The following ADAMTSL1 variants were observed in gnomAD, a reference collection of about 807,000 sequenced individuals.
The protein encoded by ADAMTSL1 is ADAMTS like 1, also known as ADAMTS-like protein 1.
A neutral mutation model predicts 201.8 loss-of-function variants in ADAMTSL1; 126 were observed. The observed-to-expected ratio is 0.62, with a 90% CI of 0.54 to 0.72. ADAMTSL1 has a LOEUF of 0.72. ADAMTSL1 is among the 30% of genes least tolerant of loss of function. The probability of loss-of-function intolerance (pLI) is 0.00; values close to 1 mark genes in which losing one functional copy is unlikely to be tolerated. For missense variants in ADAMTSL1, 2,679 were observed against 2,277.8 expected, an observed-to-expected ratio of 1.18 and a Z score of -3.59; for synonymous variants, 1,121 against 903.4, an observed-to-expected ratio of 1.24 and a Z score of -4.32.
chr9:18,855,228 C>T (rs149180351), intron 23 of ADAMTSL1, among the ~76,000 whole-genome samples: 3 of 152,166 alleles, frequency 2.0e-5, no homozygotes, highest in East Asian at 3.9e-4. Context: ...CATCTTGGCA[C>T]GAATAAAATC....
At chr9:18,595,744 C>T (rs905690607) in intron 4 of ADAMTSL1, among the ~76,000 whole-genome samples, 1 of 152,236 alleles carries the variant, frequency 6.6e-6, no homozygotes, top group African/African-American at 2.4e-5. Context: ...GTACACAGTT[C>T]TTTCTGGACC....
At chr9:18,010,263 A>G (rs1819997095) in intron 1 of ADAMTSL1, among the ~76,000 whole-genome samples, 2 of 152,144 alleles carry the variant, frequency 1.3e-5, no homozygotes, top group Middle Eastern at 3.4e-3. Context: ...TAGTAGAAAA[A>G]TTGCCAGAAA....
intron 1 of ADAMTSL1, among the ~76,000 whole-genome samples, chr9:17,981,766 C>A (rs896671478): frequency 6.6e-6 from 1 of 152,170 alleles, no homozygotes; most frequent in African/African-American, 2.4e-5. Flanking sequence ...TCTGTTTGTA[C>A]TTTTCTTGCT....
intron 1 of ADAMTSL1, among the ~76,000 whole-genome samples, chr9:18,071,986 C>T (rs1314804836): frequency 2.0e-5 from 3 of 152,154 alleles, no homozygotes; most frequent in Non-Finnish European, 1.5e-5. Context: ...TTAATGGTTC[C>T]AAGCTCTTGA....
rs117622125 is a variant in ADAMTSL1, at chr9:18,329,479, C to T, written c.207+165498C>T. ...GTGTGACCCAAGGAGTCCTCCAAAACGTGTCCACTACAAGAATGTTAAATT... is the reference window on the plus strand; with the variant it reads ...GTGTGACCCAAGGAGTCCTCCAAAATGTGTCCACTACAAGAATGTTAAATT... On this transcript the variant is annotated intron_variant, in intron 2 of 29. Transcript: ENST00000680146. Among the ~76,000 whole-genome samples the T allele has an allele frequency of 2.1e-4, 32 of 152,238 alleles. No individual in the cohort carries two copies. The East Asian group carries it at 5.0e-3, about 24-fold the overall frequency.
intron 4 of ADAMTSL1, among the ~76,000 whole-genome samples, chr9:18,610,371 T>C (rs143311658): frequency 2.7e-3 from 416 of 152,298 alleles, no homozygotes; most frequent in African/African-American, 9.7e-3. Flanking sequence ...TTCGCTGCCT[T>C]GTCCATGCAT....
intron 1 of ADAMTSL1, among the ~76,000 whole-genome samples, chr9:18,140,065 C>T (rs979872263): frequency 6.6e-6 from 1 of 152,128 alleles, no homozygotes; most frequent in Non-Finnish European, 1.5e-5. Context: ...TATGTACCAA[C>T]TATTTGCTAG....
rs972624066 is a variant in ADAMTSL1, at chr9:18,315,409, G to A, written c.207+151428G>A. Among the ~76,000 whole-genome samples the A allele has an allele frequency of 3.9e-5, 6 of 152,156 alleles. No homozygotes were observed. In the South Asian group the frequency reaches 8.4e-4, roughly 21 times the overall value. The stretch of plus-strand genomic sequence containing the variant: ...TCAGTGGCGCCCGTCAGGGAGGCTC[G>A]GGCCGTGTGGGAGCCCAAGGGGGAG... On this transcript the variant is annotated intron_variant, in intron 2 of 29. Transcript: ENST00000680146.
intron 1 of ADAMTSL1, among the ~76,000 whole-genome samples, chr9:17,937,935 A>G (rs1827082633): frequency 6.6e-6 from 1 of 152,290 alleles, no homozygotes; most frequent in East Asian, 1.9e-4. Flanking sequence ...TAACAGAAGT[A>G]TGAGGAGGGG....
At chr9:18,611,632 T>C (rs1359887903) in intron 4 of ADAMTSL1, among the ~76,000 whole-genome samples, 1 of 152,180 alleles carries the variant, frequency 6.6e-6, no homozygotes, top group Non-Finnish European at 1.5e-5. Flanking sequence ...AAATCAGACT[T>C]ACTTATTCTC....
chr9:18,584,483 T>C (rs942012293), intron 4 of ADAMTSL1, among the ~76,000 whole-genome samples: 2 of 152,186 alleles, frequency 1.3e-5, no homozygotes, highest in African/African-American at 4.8e-5. Context: ...TCGCTGAAAG[T>C]TCTACTTTCC....
chr9:18,174,493 C>A (rs1026643643), intron 2 of ADAMTSL1, among the ~76,000 whole-genome samples: 2 of 152,242 alleles, frequency 1.3e-5, no homozygotes, highest in Middle Eastern at 3.4e-3. Context: ...ATATGTGATA[C>A]CTAAATTTAA....
chr9:18,715,998 A>C (rs1460008654), intron 14 of ADAMTSL1, among the ~76,000 whole-genome samples: 1 of 151,130 alleles, frequency 6.6e-6, no homozygotes, highest in Non-Finnish European at 1.5e-5. Flanking sequence ...AGGATTCCCT[A>C]TTTAATAAAT....
chr9:18,024,401 CCCTTACTCA>C (rs1820606742), intron 1 of ADAMTSL1, among the ~76,000 whole-genome samples: 1 of 151,980 alleles, frequency 6.6e-6, no homozygotes, highest in Non-Finnish European at 1.5e-5. Context: ...AGCTTCTCAT[CCCTTACTCA>C]CCTCCCTCCC....
intron 2 of ADAMTSL1, among the ~76,000 whole-genome samples, chr9:18,236,340 CT>C (rs1830848193): frequency 6.6e-6 from 1 of 152,208 alleles, no homozygotes; most frequent in Admixed American, 6.5e-5. Flanking sequence ...TCCCAAAGTG[CT>C]GGGATTACAG....
At chr9:18,875,182 CA>C (rs1384442493) in intron 23 of ADAMTSL1, among the ~76,000 whole-genome samples, 2 of 152,042 alleles carry the variant, frequency 1.3e-5, no homozygotes, top group Non-Finnish European at 2.9e-5. Flanking sequence ...AATGGTCTAT[CA>C]GTTTTGTTTC....
chr9:18,664,694 C>T (rs2133047851), intron 9 of ADAMTSL1, among the ~76,000 whole-genome samples: 1 of 152,100 alleles, frequency 6.6e-6, no homozygotes, highest in East Asian at 1.9e-4. Context: ...AGACAGCCAA[C>T]TTTATTCCCT....
intron 2 of ADAMTSL1, among the ~76,000 whole-genome samples, chr9:18,239,298 A>C (rs976933977): frequency 6.6e-6 from 1 of 152,174 alleles, no homozygotes; most frequent in East Asian, 1.9e-4. Flanking sequence ...ATTTTACCCA[A>C]AACAGAACTT....
chr9:18,900,719 A>C (rs1447123345), intron 26 of ADAMTSL1, among the ~76,000 whole-genome samples: 2 of 140,794 alleles, frequency 1.4e-5, no homozygotes, highest in African/African-American at 5.2e-5. Context: ...TGAGAACTGA[A>C]TGATGAGAAC....
Sources: gnomAD v4.1 joint callset for allele counts (sites outside exome capture counted in the v4.1 genomes callset) on GRCh38, gnomAD v4.1.1 for gene constraint, MANE v1.5 for transcripts, NCBI Gene and HGNC (gene_info 2026-07-23, HGNC 2026-07-21) for gene names.